Variants in PLEKHG7 observed in about 807,000 individuals in gnomAD.
PLEKHG7 encodes pleckstrin homology domain-containing family G member 7.
A neutral mutation model predicts 85.2 loss-of-function variants in PLEKHG7; 77 were observed. That is an observed-to-expected ratio of 0.90 (90% confidence interval 0.75 to 1.09). The LOEUF (loss-of-function observed/expected upper bound fraction) is 1.09, where lower values mean the gene tolerates loss of function less well. Among genes scored for constraint, PLEKHG7 ranks in the 50% least tolerant of loss-of-function variants. The pLI, the probability that PLEKHG7 is intolerant of heterozygous loss-of-function variation, is 0.00. For missense variants in PLEKHG7, 777 were observed against 804.3 expected (o/e 0.97, Z 0.41); for synonymous variants, 301 against 302.4 (o/e 1.00, Z 0.05).
Position 92,703,714 on chromosome 12 carries a change from T to G in PLEKHG7, c.-162+582T>G, listed in dbSNP as rs146995173. Among the ~76,000 whole-genome samples, 429 of 152,368 alleles carry G rather than the reference T, an allele frequency of 2.8e-3. 3 individuals are homozygous for G. Among genetic ancestry groups the G allele is most frequent in the African/African-American group, 9.9e-3 (411 of 41,588 alleles). ...ACCACCTCCCTAAGCCCTGCTGTTTTTAAAGTTTCTCCATTTCCGCAGTGC... is the reference window on the plus strand; with the variant it reads ...ACCACCTCCCTAAGCCCTGCTGTTTGTAAAGTTTCTCCATTTCCGCAGTGC... On this transcript the variant is annotated intron_variant, in intron 1 of 16. Transcript: ENST00000344636.
intron 14 of PLEKHG7, among the ~76,000 whole-genome samples, chr12:92,762,466 G>A (rs532593107): frequency 6.6e-6 from 1 of 152,258 alleles, no homozygotes; most frequent in East Asian, 1.9e-4. Context: ...ATAGGGAATA[G>A]GGATTTTTTT....
intron 2 of PLEKHG7, chr12:92,707,447 C>T: frequency 7.0e-7 from 1 of 1,433,810 alleles, no homozygotes; most frequent in Non-Finnish European, 9.1e-7. Context: ...GGCCCTCTTG[C>T]AAATGCACAC....
chr12:92,740,013 G>A (rs1270217314), intron 7 of PLEKHG7, among the ~76,000 whole-genome samples: 7 of 152,178 alleles, frequency 4.6e-5, no homozygotes, highest in Admixed American at 2.0e-4. Context: ...AAGCTCTGGT[G>A]TAACAAAGTT....
intron 1 of PLEKHG7, among the ~76,000 whole-genome samples, chr12:92,705,993 T>C (rs947760453): frequency 2.6e-5 from 4 of 152,326 alleles, no homozygotes. Context: ...GTCAGATACT[T>C]TACATCAGTT....
rs1368287738 is a variant in PLEKHG7, at chr12:92,708,461, A to T, written c.530+789A>T. 3 of 152,260 alleles carry T rather than the reference A, an allele frequency of 2.0e-5. 1 individual carries two copies. In the East Asian group the frequency reaches 5.8e-4, roughly 29 times the overall value. 9.4% of individuals were successfully genotyped at this position (152,260 alleles called of 1,614,324 possible). ...GGCCTAATTGTACCAACAAAGGTAG[A>T]AGATACTTACCAAGCCATAGGGAAA... On this transcript the variant is annotated intron_variant, in intron 3 of 16. Transcript: ENST00000344636.
Position 92,706,979 on chromosome 12 carries a change from G to C in PLEKHG7, c.348G>C (p.Leu116=), listed in dbSNP as rs776141790. ...TGACCTCTGAACCTGAAAGGGCCCT[G>C]AATGCAGCTGACTCACTGGAGCCCC... ...SRLTSEPERA[L]NAADSLEPQT... is the part of the protein sequence containing the mutation. Residue 116 remains leucine, a synonymous_variant, in exon 2 of 17, where the codon CTG becomes CTC. Coordinates refer to ENST00000344636, the MANE Select transcript of PLEKHG7 (RefSeq NM_001377329.1). 3 of 1,614,050 alleles carry C rather than the reference G, an allele frequency of 1.9e-6. No individual in the cohort carries two copies. The highest frequency in any genetic ancestry group is 2.5e-6 in the Non-Finnish European group (3 of 1,180,020).
Position 92,706,825 on chromosome 12 carries a change from C to T in PLEKHG7, c.194C>T (p.Ala65Val), listed in dbSNP as rs371266924. Reference protein sequence around the residue: ...RTRGCGTRQDAWQVTTWGSWG... With the variant: ...RTRGCGTRQDVWQVTTWGSWG... ...CGTGGCTGTGGGACAAGGCAGGATGCCTGGCAGGTGACCACCTGGGGAAGC... is the reference window on the plus strand; with the variant it reads ...CGTGGCTGTGGGACAAGGCAGGATGTCTGGCAGGTGACCACCTGGGGAAGC... Residue 65 changes from alanine (A) to valine (V), a missense_variant, in exon 2 of 17, where the codon GCC (alanine) becomes GTC (valine). Physicochemically the swap from Ala to Val is moderately conservative, Grantham distance 64. Coordinates refer to ENST00000344636, the MANE Select transcript of PLEKHG7 (RefSeq NM_001377329.1). The T allele has an allele frequency of 8.1e-6, 13 of 1,613,820 alleles. No homozygotes were observed. In the East Asian group the frequency reaches 2.4e-4, roughly 30 times the overall value.
chr12:92,706,523 G>T lies in PLEKHG7; in HGVS notation c.-109G>T. On this transcript the variant is annotated 5_prime_UTR_variant, in exon 2 of 17. It adds an upstream start codon to the 5' untranslated region. Transcript: ENST00000344636. ...CTGGAAAAGGAAAAGAACTACGAGA[G>T]GAAGCATGGCACTTGGATGCAGAAA... 1.5e-6 allele frequency: 2 copies of T among 1,343,336 alleles called. No individual in the cohort carries two copies. Among genetic ancestry groups the T allele is most frequent in the Non-Finnish European group, 1.0e-6 (1 of 994,874 alleles). 83.2% of individuals were successfully genotyped at this position (1,343,336 alleles called of 1,614,324 possible). A position where few individuals can be genotyped will look rare whatever the true frequency, so the allele number is the denominator to read the frequency against.
chr12:92,742,404 C>T (rs1872384874), intron 9 of PLEKHG7, among the ~76,000 whole-genome samples: 1 of 151,866 alleles, frequency 6.6e-6, no homozygotes, highest in South Asian at 2.1e-4. Flanking sequence ...ACAAAGGAAA[C>T]CTTGTAAGTT....
intron 15 of PLEKHG7, among the ~76,000 whole-genome samples, chr12:92,765,610 C>A (rs2136634629): frequency 2.1e-5 from 3 of 142,764 alleles, no homozygotes; most frequent in Non-Finnish European, 1.5e-5. Context: ...GCCTGGGCAA[C>A]AAGAGTGAAA....
intron 3 of PLEKHG7, chr12:92,721,354 C>T (rs1384471778): frequency 1.2e-6 from 1 of 863,592 alleles, no homozygotes; most frequent in African/African-American, 1.8e-5. Context: ...GGGGGGAATT[C>T]CCGGGATGCT....
intron 9 of PLEKHG7, among the ~76,000 whole-genome samples, 169 bp downstream of exon 9, chr12:92,741,761 G>A (rs1411241904): frequency 6.6e-6 from 1 of 152,150 alleles, no homozygotes; most frequent in Non-Finnish European, 1.5e-5. Flanking sequence ...AAAATAACTT[G>A]CAGATTCTGT....
intron 3 of PLEKHG7, among the ~76,000 whole-genome samples, chr12:92,711,361 G>A (rs1871364388): frequency 6.6e-6 from 1 of 152,148 alleles, no homozygotes; most frequent in South Asian, 2.1e-4. Flanking sequence ...AGAAGGCAGG[G>A]TGGCAGGAGT....
chr12:92,739,439 C>A lies in PLEKHG7; in HGVS notation c.940-1414C>A, dbSNP rs147004403. ...AGGGGAGTATTGCAGGGGGTGGTAACAATAAATGTTCACCGCAGAGAACGA... is the reference window on the plus strand; with the variant it reads ...AGGGGAGTATTGCAGGGGGTGGTAAAAATAAATGTTCACCGCAGAGAACGA... On this transcript the variant is annotated intron_variant, in intron 7 of 16. Coordinates refer to ENST00000344636, the MANE Select transcript of PLEKHG7 (RefSeq NM_001377329.1). Among the ~76,000 whole-genome samples the A allele has an allele frequency of 1.1e-4, 17 of 152,276 alleles. No individual in the cohort carries two copies. In the East Asian group the frequency reaches 2.9e-3, roughly 26 times the overall value.
chr12:92,727,962 G>GTGTATATA lies in PLEKHG7; in HGVS notation c.531-1030_531-1029insGTATATAT, dbSNP rs760170614. On this transcript the variant is annotated intron_variant, in intron 3 of 16. Coordinates refer to ENST00000344636, the MANE Select transcript of PLEKHG7 (RefSeq NM_001377329.1). Reference sequence around the variant, plus strand: ...TGTGTGTGTGTGTGTGTGTGTGTGTGTATATATATATATACACATATATAC... The same window carrying GTGTATATA: ...TGTGTGTGTGTGTGTGTGTGTGTGTGTGTATATATATATATATATATACACATATATAC... Among the ~76,000 whole-genome samples, 139 of 96,580 alleles carry GTGTATATA rather than the reference G, an allele frequency of 1.4e-3. 8 individuals are homozygous for GTGTATATA. Among genetic ancestry groups the GTGTATATA allele is most frequent in the Non-Finnish European group, 2.5e-3 (121 of 47,746 alleles). The allele number at this position is 96,580 out of a possible 152,430, so 63.4% of individuals were successfully genotyped here.
At chr12:92,724,395 G>T (rs1871737188) in intron 3 of PLEKHG7, among the ~76,000 whole-genome samples, 1 of 152,142 alleles carries the variant, frequency 6.6e-6, no homozygotes, top group Non-Finnish European at 1.5e-5. Context: ...CAGCCCTAAT[G>T]ATCTTCTTAT....
At chr12:92,706,180 G>A (rs931029221) in intron 1 of PLEKHG7, among the ~76,000 whole-genome samples, 1 of 152,190 alleles carries the variant, frequency 6.6e-6, no homozygotes, top group Admixed American at 6.5e-5. Flanking sequence ...AAGGGGAGGA[G>A]CTATGTGGTT....
chr12:92,717,147 C>T (rs146515677), intron 3 of PLEKHG7, among the ~76,000 whole-genome samples: 49 of 152,274 alleles, frequency 3.2e-4, no homozygotes, highest in African/African-American at 9.9e-4. Context: ...AGAAGAGAAA[C>T]GTACATGCTA....
chr12:92,754,156 A>C lies in PLEKHG7; in HGVS notation c.1318A>C (p.Arg440=), dbSNP rs925274702. Residue 440 remains arginine, a synonymous_variant, in exon 11 of 17, where the codon AGG becomes CGG. Transcript: ENST00000344636. ...AGAGCTGCTAGTGGCCCCACTACAG[A>C]GGCTCACTCGATATCCGTTGTTGCT... The part of the protein sequence containing the change: ...VPELLVAPLQ[R]LTRYPLLLKN... 17 of 1,613,926 alleles carry C rather than the reference A, an allele frequency of 1.1e-5. No individual in the cohort carries two copies. Among genetic ancestry groups the C allele is most frequent in the Non-Finnish European group, 1.4e-5 (17 of 1,179,956 alleles).
Sources: allele counts gnomAD v4.1 joint callset (sites outside exome capture counted in the v4.1 genomes callset), GRCh38; gene constraint gnomAD v4.1.1; transcripts MANE v1.5; gene names NCBI Gene and HGNC (gene_info 2026-07-23, HGNC 2026-07-21).